Variants in CEP112 observed in about 807,000 individuals in gnomAD.
CEP112 encodes centrosomal protein 112, also known as centrosomal protein of 112 kDa.
In CEP112, 127 loss-of-function variants were observed where a neutral mutation model predicts 153.0. That is an observed-to-expected ratio of 0.83 (90% CI 0.72 to 0.96). CEP112 has a LOEUF of 0.96. Among genes scored for constraint, CEP112 ranks in the 40% least tolerant of loss-of-function variants. The pLI, the probability that CEP112 is intolerant of heterozygous loss-of-function variation, is 0.00. For synonymous variants in CEP112, 358 were observed against 374.4 expected, an observed-to-expected ratio of 0.96 and a Z score of 0.51; for missense variants, 1,089 against 1,101.2, an observed-to-expected ratio of 0.99 and a Z score of 0.16.
chr17:65,966,015 A>T (rs2062402513), intron 17 of CEP112, among the ~76,000 whole-genome samples: 2 of 143,628 alleles, frequency 1.4e-5, no homozygotes, highest in South Asian at 5.2e-4. Context: ...TCCTGAAAGA[A>T]GGAGGAAAAA....
At chr17:65,973,267 C>G (rs1342780131) in intron 17 of CEP112, among the ~76,000 whole-genome samples, 1 of 152,082 alleles carries the variant, frequency 6.6e-6, no homozygotes, top group Non-Finnish European at 1.5e-5. Context: ...TAGACTTCAT[C>G]AAAATTAAAA....
chr17:66,027,116 C>T (rs1275049601), intron 16 of CEP112, among the ~76,000 whole-genome samples: 1 of 152,156 alleles, frequency 6.6e-6, no homozygotes, highest in African/African-American at 2.4e-5. Flanking sequence ...ATGGCTCATG[C>T]CTGGAATCCC....
At chr17:65,891,949 A>G (rs1437884596) in intron 20 of CEP112, among the ~76,000 whole-genome samples, 2 of 152,148 alleles carry the variant, frequency 1.3e-5, no homozygotes, top group African/African-American at 2.4e-5. Flanking sequence ...TCACTGTATC[A>G]TATCTCTCAA....
At chr17:65,662,799 A>G (rs1160022448) in intron 24 of CEP112, among the ~76,000 whole-genome samples, 1 of 152,182 alleles carries the variant, frequency 6.6e-6, no homozygotes, top group Admixed American at 6.5e-5. Context: ...CCACATGGTA[A>G]AACACATTAT....
At chr17:65,896,535 T>A (rs2059665077) in intron 20 of CEP112, among the ~76,000 whole-genome samples, 1 of 152,052 alleles carries the variant, frequency 6.6e-6, no homozygotes, top group Admixed American at 6.6e-5. Flanking sequence ...TTAATTTGTA[T>A]AGTAATATAT....
At chr17:65,722,848 A>T (rs138384041) in intron 23 of CEP112, among the ~76,000 whole-genome samples, 1 of 152,246 alleles carries the variant, frequency 6.6e-6, no homozygotes, top group Non-Finnish European at 1.5e-5. Flanking sequence ...GACAAGTCTG[A>T]TATTTGAAGT....
intron 16 of CEP112, among the ~76,000 whole-genome samples, chr17:66,013,086 T>G (rs1598105324): frequency 1.3e-5 from 2 of 151,716 alleles, no homozygotes; most frequent in African/African-American, 4.8e-5. Flanking sequence ...GTTTGGTTCT[T>G]CGTTAAAATG....
At chr17:65,873,947 T>C (rs1161462829) in intron 20 of CEP112, among the ~76,000 whole-genome samples, 2 of 152,204 alleles carry the variant, frequency 1.3e-5, no homozygotes, top group African/African-American at 4.8e-5. Context: ...ATTGAGTGTA[T>C]ATAATAAAGT....
chr17:65,861,856 G>A (rs185793116), intron 20 of CEP112, among the ~76,000 whole-genome samples: 50 of 152,288 alleles, frequency 3.3e-4, no homozygotes, highest in African/African-American at 1.1e-3. Context: ...AGTTGGACAC[G>A]TTCATAAGCT....
Position 66,118,233 on chromosome 17 carries a change from T to C in CEP112, c.642+11513A>G, listed in dbSNP as rs563809561. Among the ~76,000 whole-genome samples, 5 of 152,262 alleles carry C rather than the reference T, an allele frequency of 3.3e-5. 1 individual carries two copies. In the South Asian group the frequency reaches 8.3e-4, roughly 25 times the overall value. ...AGTGCTGTAGTAAACATGGGACAGA[T>C]TACTGCATTTATACTAAACTCCCAT... On this transcript the variant is annotated intron_variant, in intron 6 of 26. Transcript: ENST00000535342.
At chr17:65,723,753 G>C (rs1312766341) in intron 23 of CEP112, among the ~76,000 whole-genome samples, 1 of 152,130 alleles carries the variant, frequency 6.6e-6, no homozygotes, top group Non-Finnish European at 1.5e-5. Flanking sequence ...AGACATCAAA[G>C]GAACAATCTC....
At chr17:66,148,853 T>C (rs1177525849) in intron 4 of CEP112, among the ~76,000 whole-genome samples, 6 of 152,162 alleles carry the variant, frequency 3.9e-5, no homozygotes, top group Non-Finnish European at 4.4e-5. Flanking sequence ...TTTCTTTTTC[T>C]TGCGAATTGC....
intron 21 of CEP112, among the ~76,000 whole-genome samples, chr17:65,751,461 T>C (rs1460825856): frequency 6.6e-6 from 1 of 152,190 alleles, no homozygotes; most frequent in East Asian, 1.9e-4. Flanking sequence ...ACTGTGTCTT[T>C]TCCCCATCAA....
At position 66,053,863 on chromosome 17, in the gene CEP112, G is replaced by A. The variant is rs146009782; in HGVS notation, c.1091C>T (p.Ala364Val). 1 of 1,611,810 alleles carries A rather than the reference G, an allele frequency of 6.2e-7. No individual in the cohort carries two copies. The highest frequency in any genetic ancestry group is 8.5e-7 in the Non-Finnish European group (1 of 1,178,794). Residue 364 changes from alanine (A) to valine (V), a missense_variant, in exon 12 of 27, where the codon GCA (alanine) becomes GTA (valine). Coordinates refer to ENST00000535342, the MANE Select transcript of CEP112 (RefSeq NM_001199165.4). Reference sequence around the variant, plus strand: ...ATCAAACTTTTCCTGTTCCATTTCTGCTACAGCATTGTGAAGCTACATCAG... The same window carrying A: ...ATCAAACTTTTCCTGTTCCATTTCTACTACAGCATTGTGAAGCTACATCAG... ...DWEKKLHNAV[A>V]EMEQEKFDLQ... is the part of the protein sequence containing the mutation.
chr17:65,802,865 C>T (rs781727531), intron 21 of CEP112, among the ~76,000 whole-genome samples: 8 of 152,220 alleles, frequency 5.3e-5, no homozygotes, highest in Non-Finnish European at 1.2e-4. Flanking sequence ...GCTCTTTTCC[C>T]TATATAGTGT....
chr17:66,083,423 C>T (rs896616896), intron 8 of CEP112, among the ~76,000 whole-genome samples: 5 of 152,088 alleles, frequency 3.3e-5, no homozygotes, highest in East Asian at 1.9e-4. Flanking sequence ...AGCATGAGAA[C>T]GGACTAATAC....
intron 22 of CEP112, among the ~76,000 whole-genome samples, chr17:65,747,591 G>A (rs2051549591): frequency 6.6e-6 from 1 of 152,192 alleles, no homozygotes; most frequent in South Asian, 2.1e-4. Flanking sequence ...AATGTTTTAA[G>A]CGGACTAAAC....
In CEP112 at chr17:65,639,836, CTTTTTTT is replaced by C. The variant is rs554226605; in HGVS notation, c.2799+1121_2799+1127del. 1.5e-4 allele frequency among the ~76,000 whole-genome samples: 17 copies of C among 110,958 alleles called. No homozygotes were observed. In the South Asian group the frequency reaches 5.1e-3, roughly 33 times the overall value. 72.8% of individuals were successfully genotyped at this position (110,958 alleles called of 152,430 possible). ...ATTTCTTTTTTTTCTCTCTTTCTTT[CTTTTTTT>C]TTTTTTTTTTTGAGACGGAGTCTTC... On this transcript the variant is annotated intron_variant, in intron 25 of 26. Coordinates refer to ENST00000535342, the MANE Select transcript of CEP112 (RefSeq NM_001199165.4).
intron 20 of CEP112, among the ~76,000 whole-genome samples, chr17:65,865,305 G>A (rs185826311): frequency 5.5e-4 from 84 of 152,246 alleles, no homozygotes; most frequent in African/African-American, 2.0e-3. Context: ...GCCTCCCAAA[G>A]TGCTGGGATT....
Sources: allele counts gnomAD v4.1 joint callset (sites outside exome capture counted in the v4.1 genomes callset), GRCh38; gene constraint gnomAD v4.1.1; transcripts MANE v1.5; gene names NCBI Gene and HGNC (gene_info 2026-07-23, HGNC 2026-07-21).